KSR2: variants seen among roughly 807,000 people sequenced by gnomAD.
KSR2 encodes the protein kinase suppressor of ras 2.
Under a neutral mutation model 107.8 loss-of-function variants are expected in KSR2, and 25 were observed. The ratio of observed to expected loss-of-function variants is 0.23; its 90% CI spans 0.17 to 0.32. The LOEUF is 0.32. KSR2 is among the 10% of genes least tolerant of loss of function. KSR2 has a pLI of 1.00. For synonymous variants in KSR2, 480 were observed against 507.0 expected (o/e 0.95, Z 0.71); for missense variants, 887 against 1,268.9 (o/e 0.70, Z 4.57).
rs749548720 is a variant in KSR2, at chr12:117,968,067, A to T, written c.180+9T>A. On this transcript the variant is annotated intron_variant, in intron 1 of 19. Coordinates refer to ENST00000339824, the MANE Select transcript of KSR2 (RefSeq NM_173598.6). ...TTTTTTTTTTTTTTTTCCCGTAGGC[A>T]ACACCTACCTCCAGGGTCCGGATTT... 15 of 1,350,808 alleles carry T rather than the reference A, an allele frequency of 1.1e-5. No individual in the cohort carries two copies. The highest frequency in any genetic ancestry group is 1.5e-5 in the Non-Finnish European group (15 of 975,992). The allele number at this position is 1,350,808 out of a possible 1,614,324, so 83.7% of individuals were successfully genotyped here. A position where few individuals can be genotyped will look rare whatever the true frequency, so the allele number is the denominator to read the frequency against.
At chr12:117,939,791 A>C (rs1230416346) in intron 1 of KSR2, among the ~76,000 whole-genome samples, 1 of 151,392 alleles carries the variant, frequency 6.6e-6, no homozygotes, top group African/African-American at 2.4e-5. Flanking sequence ...AAATGGAAAA[A>C]TTACCTGGGC....
intron 5 of KSR2, among the ~76,000 whole-genome samples, chr12:117,632,643 T>G (rs1470818570): frequency 2.0e-5 from 3 of 152,110 alleles, no homozygotes; most frequent in African/African-American, 4.8e-5. Context: ...ACTCAGGCAA[T>G]AAGCATAGTA....
At chr12:117,587,750 T>C (rs760798026) in intron 5 of KSR2, among the ~76,000 whole-genome samples, 3 of 152,032 alleles carry the variant, frequency 2.0e-5, no homozygotes, top group African/African-American at 4.8e-5. Context: ...TAAGAGTCCA[T>C]GAGGAAAATG....
intron 5 of KSR2, among the ~76,000 whole-genome samples, chr12:117,641,347 C>T (rs894431735): frequency 2.6e-5 from 4 of 152,156 alleles, no homozygotes; most frequent in Non-Finnish European, 4.4e-5. Context: ...GACCCACCTG[C>T]CTCTGCCTCC....
chr12:117,728,634 C>T (rs1887541326), intron 4 of KSR2, among the ~76,000 whole-genome samples: 1 of 152,206 alleles, frequency 6.6e-6, no homozygotes, highest in Admixed American at 6.5e-5. Context: ...TGTGTTCCCC[C>T]AGCGCTGCAA....
chr12:117,907,250 T>A lies in KSR2; in HGVS notation c.181-46819A>T, dbSNP rs1278134161. Among the ~76,000 whole-genome samples, 1 of 152,192 alleles carries A rather than the reference T, an allele frequency of 6.6e-6. No homozygotes were observed. Among genetic ancestry groups the A allele is most frequent in the Admixed American group, 6.5e-5 (1 of 15,276 alleles). On this transcript the variant is annotated intron_variant, in intron 1 of 19. Transcript: ENST00000339824. This position sits in a 1 kb window ranked among gnomAD's most constrained non-coding sequence, Gnocchi z 4.3. ...GGTTCTTTCTGACCCAATGTCTAGA[T>A]GAGCCATTACACCAAACTGCCTTCG...
intron 5 of KSR2, among the ~76,000 whole-genome samples, chr12:117,596,314 C>T (rs1255580733): frequency 1.3e-5 from 2 of 152,136 alleles, no homozygotes; most frequent in Admixed American, 6.5e-5. Context: ...AGGGAATGAT[C>T]TGCCCCCATG....
chr12:117,657,059 G>A (rs28583752), intron 5 of KSR2, among the ~76,000 whole-genome samples: 10,107 of 141,826 alleles, frequency 0.071, 400 homozygotes, highest in Middle Eastern at 0.12. Context: ...CTAATACTGC[G>A]AAACTCTCCA....
At chr12:117,726,919 G>A (rs1887449551) in intron 4 of KSR2, among the ~76,000 whole-genome samples, 1 of 152,166 alleles carries the variant, frequency 6.6e-6, no homozygotes, top group East Asian at 1.9e-4. Flanking sequence ...AAGCACTCCA[G>A]ATGTATAGTG....
intron 11 of KSR2, 71 bp from the exon 12 acceptor site, chr12:117,531,084 G>T: frequency 7.8e-7 from 1 of 1,280,274 alleles, no homozygotes; most frequent in Non-Finnish European, 1.1e-6. Flanking sequence ...CCTGATTCCT[G>T]GGCGACATGG....
intron 3 of KSR2, among the ~76,000 whole-genome samples, chr12:117,772,387 A>C (rs1284305933): frequency 2.1e-3 from 152 of 73,446 alleles, no homozygotes; most frequent in Middle Eastern, 0.013. Context: ...ACACCATTCC[A>C]CCAAAGACGC....
At chr12:117,882,701 G>A (rs1894062717) in intron 1 of KSR2, among the ~76,000 whole-genome samples, 1 of 129,004 alleles carries the variant, frequency 7.8e-6, no homozygotes, top group Non-Finnish European at 1.7e-5. Flanking sequence ...AACCATCCAT[G>A]CAAGCATCCA....
At chr12:117,528,926 A>G (rs1399293603) in intron 12 of KSR2, among the ~76,000 whole-genome samples, 1 of 152,202 alleles carries the variant, frequency 6.6e-6, no homozygotes, top group African/African-American at 2.4e-5. Context: ...TCAGTTAATA[A>G]CCTGGAGTTC....
rs534341892 is a variant in KSR2 at position 117,857,040 on chromosome 12, C to T, written c.322-1462G>A. On this transcript the variant is annotated intron_variant, in intron 2 of 19. Coordinates refer to ENST00000339824, the MANE Select transcript of KSR2 (RefSeq NM_173598.6). ...GCCCCTTTAAGAAAGGTGATGACCACGGATCTGTTTATTTCTGGTTGTTGT... is the reference window on the plus strand; with the variant it reads ...GCCCCTTTAAGAAAGGTGATGACCATGGATCTGTTTATTTCTGGTTGTTGT... Among the ~76,000 whole-genome samples the T allele has an allele frequency of 1.3e-3, 197 of 152,116 alleles. 1 individual carries two copies. The highest frequency in any genetic ancestry group is 2.3e-3 in the Non-Finnish European group (157 of 67,988).
At chr12:117,918,700 T>G (rs1276610527) in intron 1 of KSR2, among the ~76,000 whole-genome samples, 2 of 151,108 alleles carry the variant, frequency 1.3e-5, no homozygotes, top group Non-Finnish European at 3.0e-5. Context: ...AGGCAGGAGA[T>G]TCGCTTGAAT....
Position 117,755,891 on chromosome 12 carries a change from T to C in KSR2, c.986+5120A>G, listed in dbSNP as rs184482372. On this transcript the variant is annotated intron_variant, in intron 4 of 19. Coordinates refer to ENST00000339824, the MANE Select transcript of KSR2 (RefSeq NM_173598.6). ...ATGATAGGAAAATAAAACAGCCTTA[T>C]TGCTGATACGGAGAAAGTTTTAGTG... Among the ~76,000 whole-genome samples the C allele has an allele frequency of 2.6e-3, 400 of 152,346 alleles. 1 individual carries two copies. The highest frequency in any genetic ancestry group is 8.9e-3 in the African/African-American group (372 of 41,576).
intron 4 of KSR2, among the ~76,000 whole-genome samples, chr12:117,759,407 T>A (rs576874944): frequency 2.3e-4 from 35 of 152,374 alleles, no homozygotes; most frequent in African/African-American, 8.4e-4. Context: ...AAGTATTTAC[T>A]ATCTGCCCCT....
chr12:117,949,177 CA>C (rs1353881727), intron 1 of KSR2, among the ~76,000 whole-genome samples: 1 of 151,218 alleles, frequency 6.6e-6, no homozygotes, highest in Admixed American at 6.6e-5. Flanking sequence ...CAACCTAATA[CA>C]AAAAAATGAA....
At chr12:117,528,507 G>A (rs1875382271) in intron 12 of KSR2, among the ~76,000 whole-genome samples, 1 of 152,106 alleles carries the variant, frequency 6.6e-6, no homozygotes, top group Admixed American at 6.5e-5. Context: ...GGAAGTGGCT[G>A]ACTCCACAGA....
Sources: allele counts gnomAD v4.1 joint callset (sites outside exome capture counted in the v4.1 genomes callset), GRCh38; gene constraint gnomAD v4.1.1; non-coding constraint Gnocchi (gnomAD v3.1); transcripts MANE v1.5; gene names NCBI Gene and HGNC (gene_info 2026-07-23, HGNC 2026-07-21).